Variants in GULP1 observed in about 807,000 individuals in gnomAD.
The protein encoded by GULP1 is GULP PTB domain containing engulfment adaptor 1.
GULP1 carries 19 observed loss-of-function variants against 40.9 expected under a neutral mutation model. That is an observed-to-expected ratio of 0.46 (90% CI 0.32 to 0.68). GULP1 has a LOEUF of 0.68. Among genes scored for constraint, GULP1 ranks in the 30% least tolerant of loss-of-function variants. GULP1 has a pLI of 0.03. For missense variants in GULP1, 312 were observed against 362.2 expected (o/e 0.86, Z 1.12); for synonymous variants, 119 against 117.6 (o/e 1.01, Z -0.08).
chr2:188,454,673 A>G (rs530121277), intron 2 of GULP1, among the ~76,000 whole-genome samples: 5 of 152,224 alleles, frequency 3.3e-5, no homozygotes, highest in Admixed American at 6.5e-5. Context: ...GGTGAAAAGG[A>G]TGAGGAAATC....
chr2:188,341,256 A>C (rs2042930423), intron 1 of GULP1, among the ~76,000 whole-genome samples: 1 of 152,104 alleles, frequency 6.6e-6, no homozygotes, highest in Non-Finnish European at 1.5e-5. Context: ...GAGCAGGCAC[A>C]TCGCATGGTG....
At chr2:188,509,857 T>C (rs112200006) in intron 4 of GULP1, among the ~76,000 whole-genome samples, 3 of 152,222 alleles carry the variant, frequency 2.0e-5, no homozygotes, top group Non-Finnish European at 4.4e-5. Flanking sequence ...ACTCTGGTCA[T>C]TGAAGATGTG....
chr2:188,341,929 CAATT>C (rs529831919), intron 1 of GULP1, among the ~76,000 whole-genome samples: 28 of 152,096 alleles, frequency 1.8e-4, no homozygotes, highest in Non-Finnish European at 3.4e-4. Flanking sequence ...CTCTTTACAG[CAATT>C]AATTCAGTCT....
At chr2:188,487,039 C>T (rs2061920831) in intron 4 of GULP1, among the ~76,000 whole-genome samples, 1 of 151,884 alleles carries the variant, frequency 6.6e-6, no homozygotes, top group Non-Finnish European at 1.5e-5. Flanking sequence ...GTATTAGATT[C>T]TATTGCTACT....
chr2:188,551,536 G>A (rs1693442139), intron 7 of GULP1, among the ~76,000 whole-genome samples: 1 of 151,602 alleles, frequency 6.6e-6, no homozygotes, highest in South Asian at 2.1e-4. Flanking sequence ...ATTTCATTAT[G>A]CATATATACA....
At chr2:188,490,650 A>C (rs2062285468) in intron 4 of GULP1, among the ~76,000 whole-genome samples, 1 of 152,062 alleles carries the variant, frequency 6.6e-6, no homozygotes, top group Non-Finnish European at 1.5e-5. Flanking sequence ...TATTAACATA[A>C]TTCCTGGATA....
chr2:188,410,345 A>G (rs1373819590), intron 2 of GULP1, among the ~76,000 whole-genome samples: 3 of 152,200 alleles, frequency 2.0e-5, no homozygotes, highest in African/African-American at 7.2e-5. Flanking sequence ...GGCAAATGGT[A>G]TTACATCAAA....
At chr2:188,550,340 CAG>C (rs1386808732) in intron 7 of GULP1, among the ~76,000 whole-genome samples, 1 of 151,570 alleles carries the variant, frequency 6.6e-6, no homozygotes, top group African/African-American at 2.4e-5. Context: ...AAAACTAGAA[CAG>C]AGAATTTATT....
intron 6 of GULP1, among the ~76,000 whole-genome samples, chr2:188,537,007 GCTACTGATTTCTGTAC>G (rs1395600998): frequency 6.6e-6 from 1 of 151,896 alleles, no homozygotes; most frequent in Admixed American, 6.6e-5. Flanking sequence ...ATACAGAAAT[GCTACTGATTTCTGTAC>G]ATTGATTTTA....
At chr2:188,337,444 A>G (rs1357492350) in intron 1 of GULP1, among the ~76,000 whole-genome samples, 1 of 148,374 alleles carries the variant, frequency 6.7e-6, no homozygotes, top group African/African-American at 2.5e-5. Flanking sequence ...CCGGCCCTCC[A>G]ACTTCTTTTG....
intron 3 of GULP1, among the ~76,000 whole-genome samples, chr2:188,479,797 G>A (rs774332564): frequency 9.9e-5 from 15 of 152,060 alleles, no homozygotes; most frequent in Non-Finnish European, 1.5e-4. Context: ...CCAAGAGTTG[G>A]ATAGTAATGT....
At chr2:188,589,794 T>G in intron 11 of GULP1, 1 of 1,103,256 alleles carries the variant, frequency 9.1e-7, no homozygotes, top group Non-Finnish European at 1.2e-6. Flanking sequence ...ACTTACAAAT[T>G]TTTAAAGCTG....
intron 2 of GULP1, among the ~76,000 whole-genome samples, chr2:188,416,508 T>C (rs532303094): frequency 2.0e-5 from 3 of 152,178 alleles, no homozygotes; most frequent in Non-Finnish European, 4.4e-5. Context: ...TCAGATTGAT[T>C]ACAGCAAATC....
rs1189403449 is a variant in GULP1, at chr2:188,444,138, C to T, written c.-44-33521C>T. ...CTGATCTTCCTGCCTTGTAAACTTT[C>T]CTTATTCAAATTTGCTGTTCTCCAA... On this transcript the variant is annotated intron_variant, in intron 2 of 11. Transcript: ENST00000409830. 3.3e-5 allele frequency among the ~76,000 whole-genome samples: 5 copies of T among 152,094 alleles called. No individual in the cohort carries two copies. The East Asian group carries it at 9.7e-4, about 29-fold the overall frequency.
At chr2:188,566,218 C>T (rs1158110571) in intron 7 of GULP1, among the ~76,000 whole-genome samples, 1 of 152,048 alleles carries the variant, frequency 6.6e-6, no homozygotes, top group East Asian at 1.9e-4. Flanking sequence ...TTCAGTTTCT[C>T]CATTCACTAG....
intron 2 of GULP1, among the ~76,000 whole-genome samples, chr2:188,398,549 T>C (rs1439478161): frequency 6.6e-6 from 1 of 152,196 alleles, no homozygotes; most frequent in Non-Finnish European, 1.5e-5. Context: ...ATGTAGTATG[T>C]AATTATAATT....
intron 2 of GULP1, among the ~76,000 whole-genome samples, chr2:188,434,886 CCTTTT>C (rs1317429228): frequency 2.6e-5 from 4 of 151,828 alleles, no homozygotes; most frequent in Non-Finnish European, 5.9e-5. Flanking sequence ...ATTTTCTCCT[CCTTTT>C]CTTTTATAAT....
intron 2 of GULP1, among the ~76,000 whole-genome samples, chr2:188,399,482 C>A (rs1039657561): frequency 2.6e-5 from 4 of 151,890 alleles, no homozygotes; most frequent in African/African-American, 7.3e-5. Context: ...AGTTCTGGAA[C>A]CAAGACGGAG....
intron 7 of GULP1, among the ~76,000 whole-genome samples, chr2:188,543,739 C>A (rs886149813): frequency 6.6e-6 from 1 of 152,106 alleles, no homozygotes; most frequent in Non-Finnish European, 1.5e-5. Context: ...GGACTAAAAT[C>A]TAAGACTCAT....
Sources: gnomAD v4.1 joint callset for allele counts (sites outside exome capture counted in the v4.1 genomes callset) on GRCh38, gnomAD v4.1.1 for gene constraint, MANE v1.5 for transcripts, NCBI Gene and HGNC (gene_info 2026-07-23, HGNC 2026-07-21) for gene names.